The following AP1AR variants were observed in gnomAD, a reference collection of about 807,000 sequenced individuals.
AP1AR encodes AP-1 complex-associated regulatory protein.
Under a neutral mutation model 46.3 loss-of-function variants are expected in AP1AR, and 29 were observed. That is an observed-to-expected ratio of 0.63 (90% CI 0.47 to 0.85). The LOEUF (loss-of-function observed/expected upper bound fraction) is 0.85, where lower values mean the gene tolerates loss of function less well. Ranked by LOEUF, AP1AR falls within the 40% of genes least tolerant of loss-of-function variation. The pLI is 0.00. For missense variants in AP1AR, 357 were observed against 356.3 expected, an observed-to-expected ratio of 1.00 and a Z score of -0.02; for synonymous variants, 122 against 122.9, an observed-to-expected ratio of 0.99 and a Z score of 0.05.
At chr4:112,246,476 A>C (rs1490320068) in intron 1 of AP1AR, among the ~76,000 whole-genome samples, 1 of 152,238 alleles carries the variant, frequency 6.6e-6, no homozygotes, top group Non-Finnish European at 1.5e-5. Flanking sequence ...ACTGCACTCC[A>C]GCCTGGGCGA....
At chr4:112,255,133 G>A in intron 3 of AP1AR, among the ~76,000 whole-genome samples, 3 of 151,786 alleles carry the variant, frequency 2.0e-5, no homozygotes, top group Non-Finnish European at 4.4e-5. Context: ...CTAATTTTTT[G>A]TATTTTTAGT....
Position 112,270,085 on chromosome 4 carries a change from C to T in AP1AR, c.*1676C>T, listed in dbSNP as rs1172433953. 1 of 152,474 alleles carries T rather than the reference C, an allele frequency of 6.6e-6. No individual in the cohort carries two copies. The highest frequency in any genetic ancestry group is 6.6e-5 in the Admixed American group (1 of 15,264). 9.4% of individuals were successfully genotyped at this position (152,474 alleles called of 1,614,324 possible). On this transcript the variant is annotated 3_prime_UTR_variant, in exon 10 of 10. Coordinates refer to ENST00000274000, the MANE Select transcript of AP1AR (RefSeq NM_018569.6). ...TTATTTGACTATTATTGGTTTTACT[C>T]CATAAACATGCAGGTATTCTGATTC... is the stretch of plus-strand genomic sequence containing the variant.
In AP1AR at chr4:112,270,454, T is replaced by A. The variant is rs1726905366; in HGVS notation, c.*2045T>A. On this transcript the variant is annotated 3_prime_UTR_variant, in exon 10 of 10. Transcript: ENST00000274000. ...ATATACAAGATTATAGGAGAGAGAG[T>A]AACTGGGGGCCAATTGACTACTTCT... Among the ~76,000 whole-genome samples, 1 of 151,986 alleles carries A rather than the reference T, an allele frequency of 6.6e-6. No homozygotes were observed. The highest frequency in any genetic ancestry group is 2.1e-4 in the South Asian group (1 of 4,826).
Position 112,270,384 on chromosome 4 carries a change from A to G in AP1AR, c.*1975A>G, listed in dbSNP as rs1726901949. ...ATTCTGGTGAGAGAGAGAGACAATA[A>G]TAAGTAAACATACATGCAAGAAAAT... On this transcript the variant is annotated 3_prime_UTR_variant, in exon 10 of 10. Coordinates refer to ENST00000274000, the MANE Select transcript of AP1AR (RefSeq NM_018569.6). 6.6e-6 allele frequency among the ~76,000 whole-genome samples: 1 copy of G among 152,228 alleles called. No individual in the cohort carries two copies. Among genetic ancestry groups the G allele is most frequent in the Non-Finnish European group, 1.5e-5 (1 of 68,036 alleles).
At chr4:112,260,141 T>C (rs1375414125) in intron 4 of AP1AR, among the ~76,000 whole-genome samples, 1 of 151,994 alleles carries the variant, frequency 6.6e-6, no homozygotes, top group Non-Finnish European at 1.5e-5. Flanking sequence ...TGACCCAGGG[T>C]CAGAATGTGA....
intron 1 of AP1AR, among the ~76,000 whole-genome samples, chr4:112,252,290 C>A (rs538824159): frequency 6.6e-6 from 1 of 152,196 alleles, no homozygotes; most frequent in Non-Finnish European, 1.5e-5. Context: ...CCCCAGGATT[C>A]TCCTTGTTTC....
chr4:112,263,864 C>T (rs995107392), intron 6 of AP1AR, among the ~76,000 whole-genome samples: 1 of 152,160 alleles, frequency 6.6e-6, no homozygotes, highest in East Asian at 1.9e-4. Context: ...TAATAAGGGC[C>T]AGAGCCAAAG....
At position 112,271,638 on chromosome 4, in the gene AP1AR, G is replaced by C. The variant is rs558755958; in HGVS notation, c.*3229G>C. Among the ~76,000 whole-genome samples, 1 of 152,284 alleles carries C rather than the reference G, an allele frequency of 6.6e-6. No individual in the cohort carries two copies. Among genetic ancestry groups the C allele is most frequent in the East Asian group, 1.9e-4 (1 of 5,176 alleles). ...CAAGTGCCCTTAACTATAACTTCTT[G>C]GTTCTGATTTGACTTCAGTGTAATG... On this transcript the variant is annotated 3_prime_UTR_variant, in exon 10 of 10. Transcript: ENST00000274000.
chr4:112,260,888 G>T (rs752040388), intron 5 of AP1AR, 26 bp downstream of exon 5: 1 of 1,373,010 alleles, frequency 7.3e-7, no homozygotes, highest in South Asian at 1.3e-5. Context: ...TATTGCTTAA[G>T]TACATGTTAT....
At chr4:112,236,353 C>T (rs1214765974) in intron 1 of AP1AR, among the ~76,000 whole-genome samples, 1 of 151,552 alleles carries the variant, frequency 6.6e-6, no homozygotes, top group Non-Finnish European at 1.5e-5. Context: ...TTCCTTTGCT[C>T]AGCAACTTCC....
intron 1 of AP1AR, among the ~76,000 whole-genome samples, chr4:112,233,951 C>T (rs1201585712): frequency 1.3e-5 from 2 of 152,184 alleles, no homozygotes; most frequent in African/African-American, 4.8e-5. Flanking sequence ...CTTCGCCTCC[C>T]GGGTTCACGC....
At chr4:112,266,557 A>C in intron 8 of AP1AR, 31 bp from the exon 9 acceptor site, 2 of 1,601,422 alleles carry the variant, frequency 1.2e-6, no homozygotes, top group Non-Finnish European at 1.7e-6. Flanking sequence ...AGTAGATGAG[A>C]GTATTCAATT....
intron 4 of AP1AR, 46 bp downstream of exon 4, chr4:112,257,843 T>A (rs1726271652): frequency 1.3e-6 from 2 of 1,488,230 alleles, no homozygotes; most frequent in South Asian, 2.7e-5. Context: ...ATGCAAACTG[T>A]AAGAAAACTC....
chr4:112,250,882 C>A (rs1186023552), intron 1 of AP1AR, among the ~76,000 whole-genome samples: 1 of 152,056 alleles, frequency 6.6e-6, no homozygotes, highest in Admixed American at 6.6e-5. Flanking sequence ...TTAATTTACT[C>A]CCTTGTCATA....
rs1263920928 is a variant in AP1AR, at chr4:112,272,846, T to TC, written c.*4438dup. ...TTTTGGAATTATGCCCGCTTTTTTTTCAATAGATAAATATATTTTTCTAGC... is the reference window on the plus strand; with the variant it reads ...TTTTGGAATTATGCCCGCTTTTTTTTCCAATAGATAAATATATTTTTCTAGC... On this transcript the variant is annotated 3_prime_UTR_variant, in exon 10 of 10. Transcript: ENST00000274000. 6 of 152,200 alleles carry TC rather than the reference T, an allele frequency of 3.9e-5. No individual in the cohort carries two copies. The highest frequency in any genetic ancestry group is 6.5e-5 in the Admixed American group (1 of 15,272). The allele number at this position is 152,200 out of a possible 1,614,324, so 9.4% of individuals were successfully genotyped here.
At chr4:112,257,821 A>C (rs770643579) in intron 4 of AP1AR, 24 bp downstream of exon 4, 19 of 1,544,500 alleles carry the variant, frequency 1.2e-5, no homozygotes, top group African/African-American at 4.2e-5. Context: ...AAAAAAAAAA[A>C]ACAAAACTTC....
intron 3 of AP1AR, among the ~76,000 whole-genome samples, 198 bp from the exon 4 acceptor site, chr4:112,257,574 T>C (rs934286049): frequency 1.7e-4 from 26 of 152,256 alleles, no homozygotes; most frequent in African/African-American, 6.3e-4. Context: ...AAATTTTGCT[T>C]TGGAGAAGTA....
rs372213253 is a variant in AP1AR at position 112,232,051 on chromosome 4, C to T, written c.-41C>T. Reference sequence around the variant, plus strand: ...GCCGGGCCTGGGTTTGGGCATTGAGCGGGAGGAGGAGGAGGAGCGGCGGCG... The same window carrying T: ...GCCGGGCCTGGGTTTGGGCATTGAGTGGGAGGAGGAGGAGGAGCGGCGGCG... On this transcript the variant is annotated 5_prime_UTR_variant, in exon 1 of 10. Coordinates refer to ENST00000274000, the MANE Select transcript of AP1AR (RefSeq NM_018569.6). The T allele has an allele frequency of 3.0e-6, 4 of 1,342,858 alleles. No homozygotes were observed. The highest frequency in any genetic ancestry group is 3.5e-5 in the Admixed American group (1 of 28,912). 83.2% of individuals were successfully genotyped at this position (1,342,858 alleles called of 1,614,324 possible). A position where few individuals can be genotyped will look rare whatever the true frequency, so the allele number is the denominator to read the frequency against.
At position 112,260,752 on chromosome 4, in the gene AP1AR, C is replaced by CT. The variant is rs768201153; in HGVS notation, c.186-7dup. ...TTTGTTTTTTCTTTTTCTCCTCCTC[C>CT]TTTTTTTCTCTAGGCCTCTTACTGA... is the stretch of plus-strand genomic sequence containing the variant. On this transcript the variant is annotated splice_polypyrimidine_tract_variant and intron_variant, in intron 4 of 9. Coordinates refer to ENST00000274000, the MANE Select transcript of AP1AR (RefSeq NM_018569.6). 6 of 1,532,248 alleles carry CT rather than the reference C, an allele frequency of 3.9e-6. No individual in the cohort carries two copies. In the South Asian group the frequency reaches 5.1e-5, roughly 13 times the overall value. 94.9% of individuals were successfully genotyped at this position (1,532,248 alleles called of 1,614,324 possible).
Sources: gnomAD v4.1 joint callset for allele counts (sites outside exome capture counted in the v4.1 genomes callset) on GRCh38, gnomAD v4.1.1 for gene constraint, MANE v1.5 for transcripts, NCBI Gene and HGNC (gene_info 2026-07-23, HGNC 2026-07-21) for gene names.